Variants in ANGPTL2 observed in about 807,000 individuals in gnomAD.
ANGPTL2 encodes the protein angiopoietin like 2.
ANGPTL2 carries 25 observed loss-of-function variants against 52.8 expected under a neutral mutation model. The ratio of observed to expected loss-of-function variants is 0.47; its 90% CI spans 0.35 to 0.66. The LOEUF is 0.66. ANGPTL2 is among the 30% of genes least tolerant of loss of function. The probability of loss-of-function intolerance (pLI) is 0.01; values close to 1 mark genes in which losing one functional copy is unlikely to be tolerated. For synonymous variants in ANGPTL2, 276 were observed against 277.4 expected (o/e 1.00, Z 0.05); for missense variants, 546 against 656.9 (o/e 0.83, Z 1.84).
At chr9:127,118,957 G>A (rs2055749243) in intron 1 of ANGPTL2, among the ~76,000 whole-genome samples, 2 of 152,206 alleles carry the variant, frequency 1.3e-5, no homozygotes, top group Admixed American at 6.5e-5. Flanking sequence ...GAGGACCTGA[G>A]CTCTGATTCT....
intron 1 of ANGPTL2, among the ~76,000 whole-genome samples, chr9:127,113,708 T>C (rs1323557213): frequency 1.3e-5 from 2 of 152,256 alleles, no homozygotes; most frequent in African/African-American, 2.4e-5. Flanking sequence ...GCATGGGTTT[T>C]CCCTCCCCAC....
Position 127,093,840 on chromosome 9 carries a change from G to A in ANGPTL2, c.904C>T (p.Leu302Phe), listed in dbSNP as rs1010689162. The change falls in exon 3 of 5, where the codon CTC becomes TTC. Residue 302 changes from leucine to phenylalanine, a missense_variant. Coordinates refer to ENST00000373425, the MANE Select transcript of ANGPTL2 (RefSeq NM_012098.3). ...CTCTGGTCGCACCACACCTGCATGA[G>A]GCGGTTGGTGTTCTCCGGCTTCACC... Reference protein sequence around the residue: ...YLVKPENTNRLMQVWCDQRHD... With the variant: ...YLVKPENTNRFMQVWCDQRHD... The A allele has an allele frequency of 1.2e-6, 2 of 1,614,140 alleles. No individual in the cohort carries two copies. The highest frequency in any genetic ancestry group is 1.7e-6 in the Non-Finnish European group (2 of 1,180,032).
At chr9:127,121,385 C>T (rs2137722350) in intron 1 of ANGPTL2, among the ~76,000 whole-genome samples, 1 of 152,322 alleles carries the variant, frequency 6.6e-6, no homozygotes, top group Non-Finnish European at 1.5e-5. Flanking sequence ...TGGAAAAATA[C>T]ATGTGGGGAG....
At chr9:127,099,996 C>T (rs553286027) in intron 2 of ANGPTL2, among the ~76,000 whole-genome samples, 1 of 152,276 alleles carries the variant, frequency 6.6e-6, no homozygotes, top group Non-Finnish European at 1.5e-5. Flanking sequence ...ACTGCAAAAT[C>T]AAAATTTATT....
chr9:127,094,247 T>C (rs112610667), intron 2 of ANGPTL2, among the ~76,000 whole-genome samples: 42 of 152,250 alleles, frequency 2.8e-4, no homozygotes, highest in African/African-American at 8.9e-4. Context: ...TTCCCTCATA[T>C]AGTGTTGTCA....
In ANGPTL2 at chr9:127,087,885, A is replaced by G. The variant is rs1193871546; in HGVS notation, c.*1054T>C. On this transcript the variant is annotated 3_prime_UTR_variant, in exon 5 of 5. Transcript: ENST00000373425. ...AATTCTCCTGGCCAGATAGGTTATT[A>G]TTTGTGTGAAGACTCAAATGACCTG... 6.6e-6 allele frequency: 1 copy of G among 152,598 alleles called. No individual in the cohort carries two copies. Among genetic ancestry groups the G allele is most frequent in the Non-Finnish European group, 1.5e-5 (1 of 68,034 alleles). The allele number at this position is 152,598 out of a possible 1,614,324, so 9.5% of individuals were successfully genotyped here. A position where few individuals can be genotyped will look rare whatever the true frequency, so the allele number is the denominator to read the frequency against.
At position 127,091,832 on chromosome 9, in the gene ANGPTL2, C is replaced by T. The variant is rs769982032; in HGVS notation, c.1120G>A (p.Gly374Ser). The stretch of plus-strand genomic sequence containing the variant: ...GCGTATTCTGCAAAGACTTTGCGGC[C>T]GGACCAGTCCTCCATGGTCACCAGG... The part of the protein sequence containing the change: ...KLLVTMEDWS[G>S]RKVFAEYASF... Residue 374 changes from glycine to serine, a missense_variant, in exon 4 of 5, where the codon GGC (glycine) becomes AGC (serine). Gly to Ser is a moderately conservative substitution (Grantham distance 56). Coordinates refer to ENST00000373425, the MANE Select transcript of ANGPTL2 (RefSeq NM_012098.3). The surrounding 1 kb of genome is among the most constrained non-coding windows in gnomAD (Gnocchi z 4.3). The T allele has an allele frequency of 2.0e-5, 32 of 1,614,026 alleles. No homozygotes were observed. The highest frequency in any genetic ancestry group is 5.5e-5 in the South Asian group (5 of 91,080).
intron 2 of ANGPTL2, chr9:127,106,807 A>C (rs2054262953): frequency 6.6e-6 from 1 of 152,400 alleles, no homozygotes; most frequent in African/African-American, 2.4e-5. Flanking sequence ...ATTAGCAAGA[A>C]GCTGCTATTC....
At chr9:127,113,062 G>A (rs2055010092) in intron 1 of ANGPTL2, among the ~76,000 whole-genome samples, 1 of 152,188 alleles carries the variant, frequency 6.6e-6, no homozygotes, top group Non-Finnish European at 1.5e-5. Context: ...CACCTCTGTG[G>A]GGCCTAGGCT....
intron 1 of ANGPTL2, among the ~76,000 whole-genome samples, chr9:127,121,937 C>T (rs1435147158): frequency 6.6e-6 from 1 of 152,242 alleles, no homozygotes; most frequent in Non-Finnish European, 1.5e-5. Context: ...CCTTGGGCCA[C>T]CCCTGCCTTC....
chr9:127,119,536 C>T (rs1448542213), intron 1 of ANGPTL2, among the ~76,000 whole-genome samples: 3 of 152,192 alleles, frequency 2.0e-5, no homozygotes, highest in Non-Finnish European at 2.9e-5. Flanking sequence ...GTTAACCTCT[C>T]GAGACTTAGT....
chr9:127,102,587 T>G (rs1348581979), intron 2 of ANGPTL2, among the ~76,000 whole-genome samples: 2 of 152,160 alleles, frequency 1.3e-5, no homozygotes, highest in African/African-American at 4.8e-5. Context: ...ACCCTGAGCA[T>G]TTAGCCAAGT....
At position 127,091,201 on chromosome 9, in the gene ANGPTL2, C is replaced by G. The variant is rs971986787; in HGVS notation, c.1282+469G>C. 6.6e-6 allele frequency among the ~76,000 whole-genome samples: 1 copy of G among 152,246 alleles called. No homozygotes were observed. Among genetic ancestry groups the G allele is most frequent in the East Asian group, 1.9e-4 (1 of 5,196 alleles). ...TGCAATGTAGTTCTTGTCCTTACTT[C>G]CAGATGCAGAAACTGAGACCCACGG... On this transcript the variant is annotated intron_variant, in intron 4 of 4. Coordinates refer to ENST00000373425, the MANE Select transcript of ANGPTL2 (RefSeq NM_012098.3). This position sits in a 1 kb window ranked among gnomAD's most constrained non-coding sequence, Gnocchi z 4.3.
intron 1 of ANGPTL2, among the ~76,000 whole-genome samples, chr9:127,118,101 CTG>C (rs1325976550): frequency 6.6e-6 from 1 of 152,196 alleles, no homozygotes; most frequent in Non-Finnish European, 1.5e-5. Flanking sequence ...TATCACCAGA[CTG>C]GAGTGCAGTG....
At chr9:127,103,384 TGTG>T (rs1239846643) in intron 2 of ANGPTL2, among the ~76,000 whole-genome samples, 1 of 152,210 alleles carries the variant, frequency 6.6e-6, no homozygotes, top group Non-Finnish European at 1.5e-5. Context: ...GACCTCCTCA[TGTG>T]GTCCCAAGGG....
chr9:127,099,987 CT>C (rs2053559633), intron 2 of ANGPTL2, among the ~76,000 whole-genome samples: 1 of 152,166 alleles, frequency 6.6e-6, no homozygotes, highest in African/African-American at 2.4e-5. Flanking sequence ...GAAAAGAAAA[CT>C]GCAAAATCAA....
intron 2 of ANGPTL2, among the ~76,000 whole-genome samples, chr9:127,099,006 G>A (rs1278506246): frequency 1.3e-5 from 2 of 152,238 alleles, no homozygotes; most frequent in East Asian, 3.8e-4. Flanking sequence ...GAGGCTGGGA[G>A]CTAAGCAGTG....
At chr9:127,099,763 T>C (rs1389711506) in intron 2 of ANGPTL2, among the ~76,000 whole-genome samples, 1 of 152,260 alleles carries the variant, frequency 6.6e-6, no homozygotes, top group African/African-American at 2.4e-5. Flanking sequence ...GAATAGCTTG[T>C]ATGGTCCCAA....
At chr9:127,118,238 A>G (rs1375964525) in intron 1 of ANGPTL2, among the ~76,000 whole-genome samples, 1 of 152,132 alleles carries the variant, frequency 6.6e-6, no homozygotes, top group Admixed American at 6.5e-5. Flanking sequence ...GTGACAGGCC[A>G]TCGTAACGTT....
Sources: gnomAD v4.1 joint callset for allele counts (sites outside exome capture counted in the v4.1 genomes callset) on GRCh38, gnomAD v4.1.1 for gene constraint, Gnocchi (gnomAD v3.1) non-coding constraint, MANE v1.5 for transcripts, NCBI Gene and HGNC (gene_info 2026-07-23, HGNC 2026-07-21) for gene names.